TBCCD1: variants seen among roughly 807,000 people sequenced by gnomAD.
TBCCD1 encodes the protein TBCC domain-containing protein 1.
TBCCD1 carries 26 observed loss-of-function variants against 53.4 expected under a neutral mutation model. The ratio of observed to expected loss-of-function variants is 0.49; its 90% CI spans 0.36 to 0.68. The LOEUF (loss-of-function observed/expected upper bound fraction) is 0.68. Among genes scored for constraint, TBCCD1 ranks in the 30% least tolerant of loss-of-function variants. The pLI, the probability that TBCCD1 is intolerant of heterozygous loss-of-function variation, is 0.00. For synonymous variants in TBCCD1, 245 were observed against 241.7 expected, an observed-to-expected ratio of 1.01 and a Z score of -0.13; for missense variants, 558 against 669.5, an observed-to-expected ratio of 0.83 and a Z score of 1.84.
chr3:186,555,815 T>C (rs1252729509), intron 4 of TBCCD1, among the ~76,000 whole-genome samples: 1 of 152,120 alleles, frequency 6.6e-6, no homozygotes, highest in African/African-American at 2.4e-5. Context: ...GCCTCCCAAA[T>C]TGCTGGGATT....
chr3:186,547,708 G>T (rs1321184701), intron 7 of TBCCD1, among the ~76,000 whole-genome samples: 2 of 149,704 alleles, frequency 1.3e-5, no homozygotes, highest in Non-Finnish European at 3.0e-5. Context: ...CAAGGTTCAC[G>T]CCATTCTCCT....
intron 2 of TBCCD1, among the ~76,000 whole-genome samples, chr3:186,563,696 C>T (rs1044991041): frequency 6.6e-6 from 1 of 152,188 alleles, no homozygotes; most frequent in African/African-American, 2.4e-5. Flanking sequence ...ACTACTAAAA[C>T]TCAAATGATA....
intron 7 of TBCCD1, among the ~76,000 whole-genome samples, chr3:186,548,451 G>C (rs949265460): frequency 1.3e-5 from 2 of 152,178 alleles, no homozygotes; most frequent in Non-Finnish European, 2.9e-5. Flanking sequence ...AGTGGTGATA[G>C]TTGCACAAAC....
At chr3:186,560,446 A>G (rs1714662643) in intron 2 of TBCCD1, among the ~76,000 whole-genome samples, 1 of 152,186 alleles carries the variant, frequency 6.6e-6, no homozygotes, top group African/African-American at 2.4e-5. Context: ...ATGTAATTAG[A>G]TGGCATTTCC....
intron 6 of TBCCD1, among the ~76,000 whole-genome samples, chr3:186,552,246 C>T (rs1381176326): frequency 6.6e-6 from 1 of 152,050 alleles, no homozygotes; most frequent in African/African-American, 2.4e-5. Context: ...AAAGTGAGAG[C>T]GTATTTCACA....
chr3:186,550,107 A>C (rs574433512), intron 7 of TBCCD1, among the ~76,000 whole-genome samples: 23 of 151,418 alleles, frequency 1.5e-4, no homozygotes, highest in Admixed American at 1.3e-3. Context: ...CGTGCCTGTA[A>C]TCTCAGCTAC....
chr3:186,555,468 G>A (rs1012461593), intron 4 of TBCCD1, among the ~76,000 whole-genome samples: 1 of 152,088 alleles, frequency 6.6e-6, no homozygotes, highest in Admixed American at 6.5e-5. Context: ...CATCCCAAAC[G>A]TAATTCACCT....
chr3:186,547,881 A>T (rs1714260091), intron 7 of TBCCD1, among the ~76,000 whole-genome samples: 1 of 152,212 alleles, frequency 6.6e-6, no homozygotes, highest in South Asian at 2.1e-4. Context: ...TGCTGGGATT[A>T]CAGGCATGCT....
intron 2 of TBCCD1, among the ~76,000 whole-genome samples, chr3:186,559,253 A>T (rs1714628961): frequency 6.6e-6 from 1 of 152,214 alleles, no homozygotes; most frequent in Non-Finnish European, 1.5e-5. Flanking sequence ...GAAAGAAGAA[A>T]ATTCAGTTAA....
chr3:186,559,836 G>A (rs1714644832), intron 2 of TBCCD1, among the ~76,000 whole-genome samples: 1 of 152,084 alleles, frequency 6.6e-6, no homozygotes, highest in Admixed American at 6.5e-5. Flanking sequence ...TCACAATCAG[G>A]ATATTGACAC....
intron 7 of TBCCD1, among the ~76,000 whole-genome samples, chr3:186,550,245 A>C (rs1003877015): frequency 7.9e-5 from 12 of 151,698 alleles, no homozygotes; most frequent in Admixed American, 2.0e-4. Context: ...AAAAAAAAAA[A>C]AACTTTAAAC....
intron 3 of TBCCD1, among the ~76,000 whole-genome samples, chr3:186,557,670 G>C (rs566154085): frequency 1.3e-5 from 2 of 152,234 alleles, no homozygotes; most frequent in South Asian, 4.1e-4. Context: ...GTAAGGGCCA[G>C]GGGAGAGAAA....
At chr3:186,570,191 T>C (rs12330397), upstream of TBCCD1, 149,872 of 689,780 alleles carry the variant, frequency 0.22, 19,396 homozygotes, top group African/African-American at 0.49. Flanking sequence ...CTTATGGAGT[T>C]GCTTGGAGAA....
chr3:186,561,876 T>C (rs1007171651), intron 2 of TBCCD1, among the ~76,000 whole-genome samples: 4 of 152,204 alleles, frequency 2.6e-5, no homozygotes, highest in Non-Finnish European at 5.9e-5. Context: ...CTTCTGGGTA[T>C]TTATCCAAAG....
Position 186,554,471 on chromosome 3 carries a change from C to T in TBCCD1, c.1327G>A (p.Asp443Asn). ...TGLATVPNYW[D>N]NPMVVCRENS... ...TCTCTGCACACAACCATTGGATTAT[C>T]CCAATAGTTAGGCACTGTAGCAAGG... is the stretch of plus-strand genomic sequence containing the variant. The change falls in exon 6 of 8, where the codon GAT becomes AAT. Residue 443 changes from aspartate to asparagine, a missense_variant. Coordinates refer to ENST00000338733, the MANE Select transcript of TBCCD1 (RefSeq NM_018138.5). 1 of 1,614,222 alleles carries T rather than the reference C, an allele frequency of 6.2e-7. No individual in the cohort carries two copies.
intron 1 of TBCCD1, among the ~76,000 whole-genome samples, chr3:186,565,109 C>CT (rs370017010): frequency 0.15 from 18,366 of 124,704 alleles, 2,297 homozygotes; most frequent in African/African-American, 0.29. Flanking sequence ...TCTTCTTCTT[C>CT]TTTTTTTTTT....
chr3:186,550,994 A>T, intron 7 of TBCCD1, 135 bp downstream of exon 7: 1 of 757,726 alleles, frequency 1.3e-6, no homozygotes, highest in Non-Finnish European at 2.0e-6. Context: ...AAATATGGGT[A>T]CATAAAGGTC....
At position 186,551,124 on chromosome 3, in the gene TBCCD1, C is replaced by T; in HGVS notation, c.*21+5G>A. 2 of 1,602,484 alleles carry T rather than the reference C, an allele frequency of 1.2e-6. No homozygotes were observed. Among genetic ancestry groups the T allele is most frequent in the Non-Finnish European group, 1.7e-6 (2 of 1,177,100 alleles). On this transcript the variant is annotated splice_donor_5th_base_variant and intron_variant, in intron 7 of 7. Transcript: ENST00000338733. Reference sequence around the variant, plus strand: ...GAATCTGTTTTAAGTGGTATAAATGCCTACCAGTGTCTGCATGTAAGATCC... The same window carrying T: ...GAATCTGTTTTAAGTGGTATAAATGTCTACCAGTGTCTGCATGTAAGATCC...
intron 2 of TBCCD1, 103 bp downstream of exon 2, chr3:186,563,883 GTGAAACTC>G: frequency 7.6e-7 from 1 of 1,317,544 alleles, no homozygotes; most frequent in Non-Finnish European, 1.0e-6. Context: ...GGGCAACAAA[GTGAAACTC>G]TGTTTCTATC....
Sources: gnomAD v4.1 joint callset for allele counts (sites outside exome capture counted in the v4.1 genomes callset) on GRCh38, gnomAD v4.1.1 for gene constraint, MANE v1.5 for transcripts, NCBI Gene and HGNC (gene_info 2026-07-23, HGNC 2026-07-21) for gene names.